PPP2R1A: variants seen among roughly 807,000 people sequenced by gnomAD.
The protein encoded by PPP2R1A is serine/threonine-protein phosphatase 2A 65 kDa regulatory subunit A alpha isoform.
Under a neutral mutation model 67.1 loss-of-function variants are expected in PPP2R1A, and 15 were observed. That is an observed-to-expected ratio of 0.22 (90% CI 0.15 to 0.34). The LOEUF (loss-of-function observed/expected upper bound fraction) is 0.34, where lower values mean the gene tolerates loss of function less well. PPP2R1A is among the 10% of genes least tolerant of loss of function. The probability of loss-of-function intolerance (pLI) is 1.00; values close to 1 mark genes in which losing one functional copy is unlikely to be tolerated. For missense variants in PPP2R1A, 369 were observed against 775.0 expected, an observed-to-expected ratio of 0.48 and a Z score of 6.22; for synonymous variants, 337 against 325.0, an observed-to-expected ratio of 1.04 and a Z score of -0.40.
rs140148756 is a variant in PPP2R1A, at chr19:52,214,184, G to A, written c.807+1074G>A. Among the ~76,000 whole-genome samples the A allele has an allele frequency of 6.6e-5, 10 of 152,252 alleles. No homozygotes were observed. The East Asian group carries it at 1.9e-3, about 29-fold the overall frequency. ...AAAGAACCCTGGGAGGTGAGAGCAA[G>A]TGCAAGCAGGAACATTCAGGCCTGA... On this transcript the variant is annotated intron_variant, in intron 6 of 14. Transcript: ENST00000322088.
intron 2 of PPP2R1A, among the ~76,000 whole-genome samples, chr19:52,202,335 A>T (rs1344094506): frequency 6.6e-6 from 1 of 152,206 alleles, no homozygotes; most frequent in East Asian, 1.9e-4. Context: ...TATATTTTTC[A>T]TCTGTAGATT....
intron 14 of PPP2R1A, 31 bp downstream of exon 14, chr19:52,225,839 G>A (rs1979223606): frequency 1.2e-6 from 2 of 1,612,346 alleles, no homozygotes; most frequent in African/African-American, 2.7e-5. Flanking sequence ...AGCCCTAGCA[G>A]GAGGGTGGAC....
chr19:52,201,472 CCT>C (rs1465140351), intron 1 of PPP2R1A: 1 of 154,630 alleles, frequency 6.5e-6, no homozygotes, highest in Non-Finnish European at 1.4e-5. Context: ...AGCCTGTTTC[CCT>C]GTCTGTAAAA....
chr19:52,219,926 G>T lies in PPP2R1A; in HGVS notation c.1302+62G>T. ...TCAGGGGAGGTGCAGTATGTCCAGG[G>T]CTGTGATGGGGAAACGGGGCTTTGA... is the stretch of plus-strand genomic sequence containing the variant. On this transcript the variant is annotated intron_variant, in intron 10 of 14. Coordinates refer to ENST00000322088, the MANE Select transcript of PPP2R1A (RefSeq NM_014225.6). This position sits in a 1 kb window ranked among gnomAD's most constrained non-coding sequence, Gnocchi z 4.0. 6.5e-7 allele frequency: 1 copy of T among 1,536,462 alleles called. No homozygotes were observed.
chr19:52,200,057 C>T (rs1049039141), intron 1 of PPP2R1A, among the ~76,000 whole-genome samples: 1 of 152,236 alleles, frequency 6.6e-6, no homozygotes, highest in African/African-American at 2.4e-5. Context: ...CCAACTCACG[C>T]AAGATCTTAG....
chr19:52,210,846 C>G (rs1218791069), intron 3 of PPP2R1A, among the ~76,000 whole-genome samples: 1 of 152,180 alleles, frequency 6.6e-6, no homozygotes, highest in Non-Finnish European at 1.5e-5. Context: ...TGAGGAAGAA[C>G]AAGCACCCCT....
rs550955633 is a variant in PPP2R1A at position 52,221,022 on chromosome 19, A to T, written c.1407A>T (p.Leu469=). ...REAATSNLKK[L]VEKFGKEWAH... ...CAGCCACCAGCAACCTGAAGAAGCT[A>T]GTGGAAAAGTTTGGGAAGGAGTGGG... is the stretch of plus-strand genomic sequence containing the variant. The change falls in exon 12 of 15, where the codon CTA becomes CTT. Residue 469 remains leucine, a synonymous_variant. Transcript: ENST00000322088. 9.3e-6 allele frequency: 15 copies of T among 1,614,162 alleles called. No individual in the cohort carries two copies. Among genetic ancestry groups the T allele is most frequent in the Non-Finnish European group, 1.3e-5 (15 of 1,179,996 alleles).
chr19:52,208,457 C>T (rs1195195708), intron 3 of PPP2R1A, among the ~76,000 whole-genome samples: 1 of 152,076 alleles, frequency 6.6e-6, no homozygotes, highest in East Asian at 1.9e-4. Context: ...GTGTGAGCCA[C>T]CGTGCCTGGG....
Position 52,212,693 on chromosome 19 carries a change from C to T in PPP2R1A, c.511C>T (p.Arg171Trp), listed in dbSNP as rs1404808367. Reference protein sequence around the residue: ...AVKAELRQYFRNLCSDDTPMV... With the variant: ...AVKAELRQYFWNLCSDDTPMV... ...CCCGTCCCCGACTCCCAGGTACTTCCGGAACCTGTGCTCAGATGACACCCC... is the reference window on the plus strand; with the variant it reads ...CCCGTCCCCGACTCCCAGGTACTTCTGGAACCTGTGCTCAGATGACACCCC... The change falls in exon 5 of 15, where the codon CGG (arginine) becomes TGG (tryptophan). Residue 171 changes from arginine to tryptophan, a missense_variant. Transcript: ENST00000322088. This position sits in a 1 kb window ranked among gnomAD's most constrained non-coding sequence, Gnocchi z 4.1. 5 of 1,613,422 alleles carry T rather than the reference C, an allele frequency of 3.1e-6. No homozygotes were observed. Among genetic ancestry groups the T allele is most frequent in the East Asian group, 2.2e-5 (1 of 44,886 alleles).
In PPP2R1A at chr19:52,216,073, A is replaced by C; in HGVS notation, c.992A>C (p.Lys331Thr). 2 of 1,612,628 alleles carry C rather than the reference A, an allele frequency of 1.2e-6. No individual in the cohort carries two copies. Among genetic ancestry groups the C allele is most frequent in the Non-Finnish European group, 1.7e-6 (2 of 1,178,662 alleles). The change falls in exon 8 of 15, where the codon AAG becomes ACG. Residue 331 changes from lysine to threonine, a missense_variant and splice_region_variant. Transcript: ENST00000322088. The surrounding 1 kb of genome is among the most constrained non-coding windows in gnomAD (Gnocchi z 4.3). ...VIMSQILPCI[K>T]ELVSDANQHV... ...ATGTCCCAGATCTTGCCCTGCATCAAGGTAACAGAGAGTTTGATGGGAGGA... is the reference window on the plus strand; with the variant it reads ...ATGTCCCAGATCTTGCCCTGCATCACGGTAACAGAGAGTTTGATGGGAGGA...
chr19:52,200,519 G>T (rs2089536989), intron 1 of PPP2R1A: 2 of 152,206 alleles, frequency 1.3e-5, no homozygotes, highest in South Asian at 4.1e-4. Context: ...TGCTTGTTGT[G>T]AGATCTATTA....
At chr19:52,196,857 T>C (rs577484875) in intron 1 of PPP2R1A, among the ~76,000 whole-genome samples, 21 of 152,254 alleles carry the variant, frequency 1.4e-4, no homozygotes, top group Non-Finnish European at 2.9e-5. Context: ...CCATTATAGC[T>C]CCATTCCAGA....
intron 13 of PPP2R1A, among the ~76,000 whole-genome samples, chr19:52,223,164 G>C (rs1979046959): frequency 6.6e-6 from 1 of 152,178 alleles, no homozygotes; most frequent in Non-Finnish European, 1.5e-5. Flanking sequence ...CAGTTCAGTG[G>C]AGAAATGTAT....
chr19:52,201,799 G>T, intron 1 of PPP2R1A, 145 bp from the exon 2 acceptor site: 1 of 648,820 alleles, frequency 1.5e-6, no homozygotes, highest in South Asian at 1.8e-5. Flanking sequence ...AGGGTCTCTT[G>T]GTGGGTGTTT....
intron 6 of PPP2R1A, among the ~76,000 whole-genome samples, chr19:52,214,769 C>G (rs1978464482): frequency 6.6e-6 from 1 of 151,420 alleles, no homozygotes; most frequent in African/African-American, 2.4e-5. Flanking sequence ...GTCTTTTGCC[C>G]AGGCTGGAGT....
rs965521747 is a variant in PPP2R1A, at chr19:52,211,332, A to G, written c.343A>G (p.Ile115Val). 3.7e-6 allele frequency: 6 copies of G among 1,613,906 alleles called. No individual in the cohort carries two copies. The Admixed American group carries it at 5.0e-5, about 13-fold the overall frequency. Reference protein sequence around the residue: ...RDKAVESLRAISHEHSPSDLE... With the variant: ...RDKAVESLRAVSHEHSPSDLE... ...CAAGGCAGTGGAGTCCTTACGGGCC[A>G]TCTCACACGAGCACTCGCCCTCTGA... The change falls in exon 4 of 15, where the codon ATC becomes GTC. Residue 115 changes from isoleucine to valine, a missense_variant. Physicochemically the swap from Ile to Val is conservative, Grantham distance 29. This residue lies in a region of PPP2R1A where 93 missense variants were observed against 266.5 expected (regional missense o/e 0.35). Transcript: ENST00000322088. This position sits in a 1 kb window ranked among gnomAD's most constrained non-coding sequence, Gnocchi z 5.3.
rs1340604005 is a variant in PPP2R1A at position 52,206,061 on chromosome 19, C to T, written c.268C>T (p.Leu90=). The T allele has an allele frequency of 6.2e-7, 1 of 1,613,530 alleles. No individual in the cohort carries two copies. Among genetic ancestry groups the T allele is most frequent in the Non-Finnish European group, 8.5e-7 (1 of 1,179,596 alleles). Residue 90 remains leucine (L), a splice_region_variant and synonymous_variant, in exon 3 of 15, where the codon CTG becomes TTG. Coordinates refer to ENST00000322088, the MANE Select transcript of PPP2R1A (RefSeq NM_014225.6). The part of the protein sequence containing the change: ...VGGPEYVHCL[L]PPLESLATVE... ...AGGCCCAGAGTACGTGCACTGCCTGCTGGTGAGTGGAAGGCAGGAAGTCCT... is the reference window on the plus strand; with the variant it reads ...AGGCCCAGAGTACGTGCACTGCCTGTTGGTGAGTGGAAGGCAGGAAGTCCT...
Position 52,220,847 on chromosome 19 carries a change from T to C in PPP2R1A, c.1364-132T>C, listed in dbSNP as rs897049966. On this transcript the variant is annotated intron_variant, in intron 11 of 14. Coordinates refer to ENST00000322088, the MANE Select transcript of PPP2R1A (RefSeq NM_014225.6). ...ATATAGCACATAGTAAGTCCTTTTT[T>C]CTCTCTTTGGCTCACATGCAGCCTG... 5.6e-6 allele frequency: 6 copies of C among 1,077,096 alleles called. No homozygotes were observed. The African/African-American group carries it at 6.4e-5, about 11-fold the overall frequency. 66.7% of individuals were successfully genotyped at this position (1,077,096 alleles called of 1,614,324 possible). A position where few individuals can be genotyped will look rare whatever the true frequency, so the allele number is the denominator to read the frequency against.
Position 52,219,723 on chromosome 19 carries a change from C to G in PPP2R1A, c.1161C>G (p.Asn387Lys). The G allele has an allele frequency of 6.2e-7, 1 of 1,614,130 alleles. No individual in the cohort carries two copies. The highest frequency in any genetic ancestry group is 2.2e-5 in the East Asian group (1 of 44,884). Residue 387 changes from asparagine (N) to lysine (K), a missense_variant, in exon 10 of 15, where the codon AAC becomes AAG. Around this residue, in one of 2 missense-constraint regions of PPP2R1A, gnomAD observed 276 missense variants for 508.4 expected, o/e 0.54. Coordinates refer to ENST00000322088, the MANE Select transcript of PPP2R1A (RefSeq NM_014225.6). This position sits in a 1 kb window ranked among gnomAD's most constrained non-coding sequence, Gnocchi z 4.0. The stretch of plus-strand genomic sequence containing the variant: ...AGGTACGGCTGAACATCATCTCTAA[C>G]CTGGACTGTGTGAACGAGGTGATTG... ...CPEVRLNIIS[N>K]LDCVNEVIGI...
Sources: gnomAD v4.1 joint callset for allele counts (sites outside exome capture counted in the v4.1 genomes callset) on GRCh38, gnomAD v4.1.1 for gene constraint, gnomAD v4.1.1 regional missense constraint, Gnocchi (gnomAD v3.1) non-coding constraint, MANE v1.5 for transcripts, NCBI Gene and HGNC (gene_info 2026-07-23, HGNC 2026-07-21) for gene names.